The following SYN2 variants were observed in gnomAD, a reference collection of about 807,000 sequenced individuals.
The protein encoded by SYN2 is synapsin II, also known as synapsin-2.
A neutral mutation model predicts 50.9 loss-of-function variants in SYN2; 19 were observed. The observed-to-expected ratio is 0.37, with a 90% CI of 0.26 to 0.55. The LOEUF is 0.55. Among genes scored for constraint, SYN2 ranks in the 20% least tolerant of loss-of-function variants. The pLI is 0.81. For synonymous variants in SYN2, 255 were observed against 224.9 expected (o/e 1.13, Z -1.20); for missense variants, 587 against 576.4 (o/e 1.02, Z -0.19).
At chr3:12,154,931 A>C (rs1697412756) in intron 5 of SYN2, among the ~76,000 whole-genome samples, 1 of 152,216 alleles carries the variant, frequency 6.6e-6, no homozygotes, top group African/African-American at 2.4e-5. Context: ...AGCCCTTCCC[A>C]GTATCTGCAC....
intron 10 of SYN2, among the ~76,000 whole-genome samples, chr3:12,180,091 A>G (rs1006095933): frequency 2.6e-5 from 4 of 152,072 alleles, no homozygotes; most frequent in African/African-American, 9.7e-5. Context: ...TGGGACTATA[A>G]GCACATGCCA....
chr3:12,005,470 G>T (rs562992204), intron 1 of SYN2, among the ~76,000 whole-genome samples: 1 of 152,142 alleles, frequency 6.6e-6, no homozygotes, highest in South Asian at 2.1e-4. Flanking sequence ...AATCACACAT[G>T]TAGTGGCCCA....
At position 12,164,983 on chromosome 3, in the gene SYN2, TC is replaced by T. The variant is rs148440534; in HGVS notation, c.981-2250del. Among the ~76,000 whole-genome samples the T allele has an allele frequency of 2.0e-3, 272 of 135,664 alleles. 1 individual carries two copies. The highest frequency in any genetic ancestry group is 6.8e-3 in the African/African-American group (255 of 37,768). 89.0% of individuals were successfully genotyped at this position (135,664 alleles called of 152,430 possible). ...GTTCAGTTTCTTCCTTTTTTTCTTT[TC>T]TTTTTTTTTTTTTTTTTTTTTGAGA... On this transcript the variant is annotated intron_variant, in intron 7 of 12. Transcript: ENST00000621198.
intron 1 of SYN2, among the ~76,000 whole-genome samples, chr3:12,088,171 C>T (rs763734403): frequency 1.3e-5 from 2 of 151,872 alleles, no homozygotes; most frequent in Non-Finnish European, 2.9e-5. Flanking sequence ...ATCTGATAAG[C>T]GGTTAATATC....
chr3:12,038,011 T>A (rs1391294204), intron 1 of SYN2, among the ~76,000 whole-genome samples: 1 of 152,196 alleles, frequency 6.6e-6, no homozygotes, highest in Non-Finnish European at 1.5e-5. Context: ...TACACCTATA[T>A]TTTCTTCTAA....
In SYN2 at chr3:12,157,068, T is replaced by A. The variant is rs1697479832; in HGVS notation, c.775-4478T>A. ...GTTGAGGATTTTGTGTCCTCAGATG[T>A]CCCTACTGGGTTATTTTCTCTCTTA... On this transcript the variant is annotated intron_variant, in intron 5 of 12. Coordinates refer to ENST00000621198, the MANE Select transcript of SYN2 (RefSeq NM_133625.6). The A allele has an allele frequency of 7.6e-6, 5 of 660,408 alleles. No individual in the cohort carries two copies. In the South Asian group the frequency reaches 1.0e-4, roughly 13 times the overall value. The allele number at this position is 660,408 out of a possible 1,614,324, so 40.9% of individuals were successfully genotyped here. A position where few individuals can be genotyped will look rare whatever the true frequency, so the allele number is the denominator to read the frequency against.
chr3:12,092,668 T>C (rs1345661377), intron 1 of SYN2, among the ~76,000 whole-genome samples: 1 of 152,200 alleles, frequency 6.6e-6, no homozygotes, highest in African/African-American at 2.4e-5. Flanking sequence ...TCAGCCAGAT[T>C]CTAGGCTTCC....
chr3:12,126,076 G>A (rs1696663405), intron 1 of SYN2, among the ~76,000 whole-genome samples: 1 of 152,124 alleles, frequency 6.6e-6, no homozygotes, highest in Non-Finnish European at 1.5e-5. Flanking sequence ...AGCTACTCTT[G>A]GCCTCAGGCT....
intron 1 of SYN2, among the ~76,000 whole-genome samples, chr3:12,055,157 C>T (rs1694959073): frequency 6.6e-6 from 1 of 151,922 alleles, no homozygotes; most frequent in South Asian, 2.1e-4. Flanking sequence ...GAGAACACAT[C>T]AACACATTTC....
chr3:12,086,093 C>G (rs1695695286), intron 1 of SYN2, among the ~76,000 whole-genome samples: 1 of 151,984 alleles, frequency 6.6e-6, no homozygotes, highest in African/African-American at 2.4e-5. Flanking sequence ...CAAAGTAGCA[C>G]AAGAGACTTC....
intron 11 of SYN2, chr3:12,184,382 G>T (rs547741933): frequency 1.0e-6 from 1 of 985,886 alleles, no homozygotes; most frequent in Non-Finnish European, 1.2e-6. Flanking sequence ...CCTGTGTACA[G>T]AGATAATTCC....
intron 9 of SYN2, 57 bp from the exon 10 acceptor site, chr3:12,169,700 A>T: frequency 6.3e-7 from 1 of 1,596,070 alleles, no homozygotes; most frequent in Non-Finnish European, 8.6e-7. Flanking sequence ...GAAAGATTGT[A>T]CCAGGCCATT....
intron 3 of SYN2, 120 bp downstream of exon 3, chr3:12,142,116 C>A: frequency 3.1e-6 from 2 of 640,116 alleles, no homozygotes; most frequent in Admixed American, 2.4e-5. Context: ...GTATGGTATA[C>A]AGAATTTAAT....
At chr3:12,029,232 C>T (rs1353051896) in intron 1 of SYN2, among the ~76,000 whole-genome samples, 1 of 132,796 alleles carries the variant, frequency 7.5e-6, no homozygotes, top group Non-Finnish European at 1.5e-5. Flanking sequence ...TTCCATTCAT[C>T]TATATCTCTG....
intron 1 of SYN2, among the ~76,000 whole-genome samples, chr3:12,116,007 C>G (rs894607446): frequency 6.6e-6 from 1 of 152,160 alleles, no homozygotes; most frequent in Non-Finnish European, 1.5e-5. Context: ...TCAGTCAAGA[C>G]TGTCAGAGCC....
chr3:12,180,697 A>G (rs1174192218), intron 10 of SYN2, among the ~76,000 whole-genome samples: 7 of 152,192 alleles, frequency 4.6e-5, no homozygotes, highest in Non-Finnish European at 7.3e-5. Flanking sequence ...CCTAGGCGCC[A>G]TCAAGGGTGG....
rs59286785 is a variant in SYN2 at position 12,057,287 on chromosome 3, C to CTGTGTGTGTGTGTGTGTGTGTG, written c.377+52375_377+52396dup. 8.2e-5 allele frequency among the ~76,000 whole-genome samples: 11 copies of CTGTGTGTGTGTGTGTGTGTGTG among 134,004 alleles called. 1 individual carries two copies. Among genetic ancestry groups the CTGTGTGTGTGTGTGTGTGTGTG allele is most frequent in the African/African-American group, 3.0e-4 (11 of 36,218 alleles). 87.9% of individuals were successfully genotyped at this position (134,004 alleles called of 152,430 possible). A position where few individuals can be genotyped will look rare whatever the true frequency, so the allele number is the denominator to read the frequency against. On this transcript the variant is annotated intron_variant, in intron 1 of 12. Coordinates refer to ENST00000621198, the MANE Select transcript of SYN2 (RefSeq NM_133625.6). Reference sequence around the variant, plus strand: ...AACCTGGGCGACAAGGCAAGACTGTCTGTGTGTGTGTGTGTGTGTGTGTGT... The same window carrying CTGTGTGTGTGTGTGTGTGTGTG: ...AACCTGGGCGACAAGGCAAGACTGTCTGTGTGTGTGTGTGTGTGTGTGTGTGTGTGTGTGTGTGTGTGTGTGT...
chr3:12,140,928 C>T (rs551425741), intron 2 of SYN2, among the ~76,000 whole-genome samples: 2 of 152,276 alleles, frequency 1.3e-5, no homozygotes, highest in South Asian at 4.1e-4. Context: ...CTTTTTATGG[C>T]TCTAGTGTCT....
At chr3:12,158,784 C>A (rs150776929) in intron 5 of SYN2, 2 of 1,603,142 alleles carry the variant, frequency 1.2e-6, no homozygotes, top group South Asian at 2.2e-5. Flanking sequence ...GCCGCAGCAA[C>A]GCCAGCAGCC....
Sources: allele counts gnomAD v4.1 joint callset (sites outside exome capture counted in the v4.1 genomes callset), GRCh38; gene constraint gnomAD v4.1.1; transcripts MANE v1.5; gene names NCBI Gene and HGNC (gene_info 2026-07-23, HGNC 2026-07-21).